Variants in MGA observed in about 807,000 individuals in gnomAD.
MGA encodes MAX dimerization protein MGA.
Under a neutral mutation model 261.1 loss-of-function variants are expected in MGA, and 40 were observed. The ratio of observed to expected loss-of-function variants is 0.15; its 90% CI spans 0.12 to 0.20. MGA has a LOEUF of 0.20. MGA is among the 10% of genes least tolerant of loss of function. The probability of loss-of-function intolerance (pLI) is 1.00; values close to 1 mark genes in which losing one functional copy is unlikely to be tolerated. For missense variants in MGA, 3,397 were observed against 3,630.5 expected, an observed-to-expected ratio of 0.94 and a Z score of 1.65; for synonymous variants, 1,302 against 1,290.6, an observed-to-expected ratio of 1.01 and a Z score of -0.19.
chr15:41,671,568 A>T (rs962316804), intron 2 of MGA, among the ~76,000 whole-genome samples: 1 of 151,978 alleles, frequency 6.6e-6, no homozygotes, highest in African/African-American at 2.4e-5. Context: ...ACCTCAGGTG[A>T]TCCACCCGCC....
chr15:41,625,058 A>G (rs2056413571), intron 1 of MGA, among the ~76,000 whole-genome samples: 1 of 152,020 alleles, frequency 6.6e-6, no homozygotes, highest in African/African-American at 2.4e-5. Flanking sequence ...TGGGAAGATC[A>G]CTTGACCTCA....
chr15:41,696,794 C>G lies in MGA; in HGVS notation c.1784C>G (p.Thr595Arg). Residue 595 changes from threonine to arginine, a missense_variant, in exon 3 of 24, where the codon ACA becomes AGA. Physicochemically the swap from Thr to Arg is moderately conservative, Grantham distance 71 (BLOSUM62 -1). This residue lies in a region of MGA where 563 missense variants were observed against 563.6 expected (regional missense o/e 1.00). Coordinates refer to ENST00000219905, the MANE Select transcript of MGA (RefSeq NM_001164273.2). ...AGAACAACTATGCTTAAGATTGCAA[C>G]AGCCGCAAAGGTAGTGAATGCTAAT... 1 of 1,604,980 alleles carries G rather than the reference C, an allele frequency of 6.2e-7. No homozygotes were observed. Among genetic ancestry groups the G allele is most frequent in the Non-Finnish European group, 8.5e-7 (1 of 1,175,636 alleles).
intron 9 of MGA, among the ~76,000 whole-genome samples, chr15:41,719,765 A>G (rs1026109920): frequency 4.6e-5 from 7 of 152,122 alleles, no homozygotes; most frequent in Admixed American, 2.0e-4. Context: ...AATGTTCTAT[A>G]TTATGGTGAC....
chr15:41,640,808 C>T (rs555838211), intron 1 of MGA, among the ~76,000 whole-genome samples: 16 of 152,288 alleles, frequency 1.1e-4, no homozygotes, highest in South Asian at 4.1e-4. Context: ...TGAGCCACTG[C>T]GCCTGCCCTC....
intron 1 of MGA, among the ~76,000 whole-genome samples, chr15:41,664,140 C>T (rs998632524): frequency 6.6e-6 from 1 of 152,060 alleles, no homozygotes; most frequent in Non-Finnish European, 1.5e-5. Context: ...GTTAAAAAAC[C>T]GGCCTTATAC....
chr15:41,733,956 C>T (rs958387231), intron 11 of MGA, among the ~76,000 whole-genome samples: 9 of 143,244 alleles, frequency 6.3e-5, no homozygotes, highest in African/African-American at 1.0e-4. Flanking sequence ...CACTCTGTCA[C>T]CCAGGCTGAA....
At chr15:41,650,681 G>A (rs771979959) in intron 1 of MGA, among the ~76,000 whole-genome samples, 9 of 152,074 alleles carry the variant, frequency 5.9e-5, no homozygotes, top group Non-Finnish European at 8.8e-5. Flanking sequence ...CAAGTGATCT[G>A]CTTCTCTTAG....
intron 9 of MGA, among the ~76,000 whole-genome samples, chr15:41,723,508 C>G (rs905783230): frequency 4.6e-5 from 7 of 152,146 alleles, no homozygotes; most frequent in African/African-American, 1.4e-4. Context: ...CTTGATCTCC[C>G]TGGCTCAAGC....
In MGA at chr15:41,749,867, G is replaced by A. The variant is rs755927787; in HGVS notation, c.6260G>A (p.Arg2087Lys). ...GAAAAAGTGGCTGTTCTGGAAGTTA[G>A]GACCATTTCTGAAAAAGCCAGTAAT... Residue 2087 changes from arginine to lysine, a missense_variant, in exon 17 of 24, where the codon AGG becomes AAG. By Grantham distance (26) the Arg-to-Lys change is conservative. Coordinates refer to ENST00000219905, the MANE Select transcript of MGA (RefSeq NM_001164273.2). The A allele has an allele frequency of 6.2e-7, 1 of 1,613,876 alleles. No individual in the cohort carries two copies. Among genetic ancestry groups the A allele is most frequent in the Non-Finnish European group, 8.5e-7 (1 of 1,179,868 alleles).
intron 1 of MGA, among the ~76,000 whole-genome samples, chr15:41,633,612 G>A (rs1185019164): frequency 1.3e-5 from 2 of 151,800 alleles, no homozygotes; most frequent in Non-Finnish European, 2.9e-5. Flanking sequence ...TAGTAGAGAC[G>A]GGTTTTTGCC....
At chr15:41,636,742 G>C (rs1210431791) in intron 1 of MGA, among the ~76,000 whole-genome samples, 1 of 151,926 alleles carries the variant, frequency 6.6e-6, no homozygotes, top group East Asian at 1.9e-4. Flanking sequence ...GTAGAGATGG[G>C]GTTTCACCAT....
At chr15:41,750,908 A>T in intron 17 of MGA, 1 of 238,158 alleles carries the variant, frequency 4.2e-6, no homozygotes, top group Non-Finnish European at 8.2e-6. Flanking sequence ...CGAAACCACT[A>T]CTCCCATTTG....
chr15:41,764,083 C>T lies in MGA; in HGVS notation c.7745-803C>T, dbSNP rs146410082. The stretch of plus-strand genomic sequence containing the variant: ...CTGAGGCAGGAGAATCACTTGAACC[C>T]GGGTGGCGGAGGCTGCAGTGAGCTG... On this transcript the variant is annotated intron_variant, in intron 22 of 23. Transcript: ENST00000219905. Among the ~76,000 whole-genome samples the T allele has an allele frequency of 3.9e-3, 589 of 151,782 alleles. 4 individuals carry two copies. Among genetic ancestry groups the T allele is most frequent in the African/African-American group, 0.013 (558 of 41,372 alleles).
intron 1 of MGA, among the ~76,000 whole-genome samples, chr15:41,652,772 T>C (rs899263920): frequency 6.6e-6 from 1 of 152,030 alleles, no homozygotes; most frequent in African/African-American, 2.4e-5. Flanking sequence ...AGGGGATTTG[T>C]TTTTATTTAT....
intron 1 of MGA, among the ~76,000 whole-genome samples, chr15:41,641,438 T>C (rs2150626847): frequency 6.6e-6 from 1 of 152,174 alleles, no homozygotes; most frequent in South Asian, 2.1e-4. Flanking sequence ...TACTATTTTA[T>C]ATTTTCACCA....
upstream of MGA, among the ~76,000 whole-genome samples, chr15:41,659,713 G>C (rs2057291689): frequency 6.6e-6 from 1 of 152,194 alleles, no homozygotes; most frequent in Non-Finnish European, 1.5e-5. Context: ...ACAGGATCAA[G>C]GCACTAAAGC....
intron 1 of MGA, among the ~76,000 whole-genome samples, chr15:41,640,621 C>T (rs775722275): frequency 6.6e-5 from 10 of 152,078 alleles, no homozygotes; most frequent in South Asian, 4.2e-4. Flanking sequence ...CCGGTTCAAG[C>T]GATTCTCCTG....
chr15:41,726,267 C>T (rs138161619), intron 9 of MGA, among the ~76,000 whole-genome samples: 1 of 152,278 alleles, frequency 6.6e-6, no homozygotes, highest in African/African-American at 2.4e-5. Flanking sequence ...TTGGACATCC[C>T]TGCACCTCAG....
chr15:41,729,440 T>A (rs2061398410), intron 11 of MGA, 91 bp downstream of exon 11: 1 of 1,271,472 alleles, frequency 7.9e-7, no homozygotes, highest in Non-Finnish European at 1.1e-6. Context: ...ATAATTATCC[T>A]ACAGGGCAGA....
Sources: gnomAD v4.1 joint callset for allele counts (sites outside exome capture counted in the v4.1 genomes callset) on GRCh38, gnomAD v4.1.1 for gene constraint, gnomAD v4.1.1 regional missense constraint, MANE v1.5 for transcripts, NCBI Gene and HGNC (gene_info 2026-07-23, HGNC 2026-07-21) for gene names.